The following PXT1 variants were observed in gnomAD, a reference collection of about 807,000 sequenced individuals.
The protein encoded by PXT1 is peroxisomal testis enriched protein 1.
Under a neutral mutation model 11.0 loss-of-function variants are expected in PXT1, and 11 were observed. The observed-to-expected ratio is 1.00, with a 90% CI of 0.63 to 1.66. The LOEUF (loss-of-function observed/expected upper bound fraction) is 1.66. Among genes scored for constraint, PXT1 ranks in the 40% most tolerant of loss-of-function variants. PXT1 has a pLI of 0.00. For synonymous variants in PXT1, 43 were observed against 51.4 expected, an observed-to-expected ratio of 0.84 and a Z score of 0.70; for missense variants, 141 against 155.5, an observed-to-expected ratio of 0.91 and a Z score of 0.49.
At chr6:36,410,249 G>A (rs1174704096) in intron 3 of PXT1, among the ~76,000 whole-genome samples, 3 of 152,090 alleles carry the variant, frequency 2.0e-5, no homozygotes, top group Admixed American at 6.6e-5. Context: ...TTGGGAGTTC[G>A]AGACCAGCCT....
chr6:36,425,171 T>C (rs1774584855), intron 3 of PXT1, among the ~76,000 whole-genome samples: 1 of 152,206 alleles, frequency 6.6e-6, no homozygotes, highest in Non-Finnish European at 1.5e-5. Context: ...AATCACACAT[T>C]TTTGCAAAGC....
At chr6:36,416,085 A>G (rs62405061) in intron 3 of PXT1, among the ~76,000 whole-genome samples, 3,660 of 152,232 alleles carry the variant, frequency 0.024, 49 homozygotes, top group Non-Finnish European at 0.027. Context: ...CTGCAATCCC[A>G]GCACTTTGGG....
At chr6:36,397,118 C>T (rs1197211019) in intron 4 of PXT1, among the ~76,000 whole-genome samples, 2 of 152,188 alleles carry the variant, frequency 1.3e-5, no homozygotes, top group Non-Finnish European at 2.9e-5. Flanking sequence ...CTTGTTTACC[C>T]TTCACTTGTC....
At chr6:36,421,975 T>C (rs557105464) in intron 3 of PXT1, among the ~76,000 whole-genome samples, 193 of 152,350 alleles carry the variant, frequency 1.3e-3, no homozygotes, top group African/African-American at 3.9e-3. Flanking sequence ...GATCTCTCAC[T>C]ACTTTGTCTA....
intron 2 of PXT1, among the ~76,000 whole-genome samples, chr6:36,431,959 TACTC>T (rs1271450929): frequency 6.6e-6 from 1 of 151,950 alleles, no homozygotes; most frequent in African/African-American, 2.4e-5. Flanking sequence ...TAATCCCAGA[TACTC>T]AGGAAGCTGA....
chr6:36,435,146 A>G (rs1294542640), intron 2 of PXT1, among the ~76,000 whole-genome samples: 2 of 152,236 alleles, frequency 1.3e-5, no homozygotes, highest in African/African-American at 2.4e-5. Flanking sequence ...AAATTATCAA[A>G]GAAACAAATG....
chr6:36,434,498 TA>T (rs1156628639), intron 2 of PXT1, among the ~76,000 whole-genome samples: 2 of 152,188 alleles, frequency 1.3e-5, no homozygotes, highest in East Asian at 3.8e-4. Flanking sequence ...AAGCAATAAA[TA>T]AATTAGTTGA....
intron 3 of PXT1, among the ~76,000 whole-genome samples, chr6:36,418,684 A>G (rs376776404): frequency 1.3e-5 from 2 of 152,364 alleles, no homozygotes; most frequent in African/African-American, 2.4e-5. Context: ...AGAGATTGAA[A>G]AAAAATCACC....
At position 36,415,426 on chromosome 6, in the gene PXT1, GTAGT is replaced by G; in HGVS notation, c.169+10484_169+10487del. Among the ~76,000 whole-genome samples, 3 of 152,154 alleles carry G rather than the reference GTAGT, an allele frequency of 2.0e-5. No individual in the cohort carries two copies. The Middle Eastern group carries it at 0.01, about 518-fold the overall frequency. On this transcript the variant is annotated intron_variant, in intron 3 of 4. Coordinates refer to ENST00000454782, the MANE Select transcript of PXT1 (RefSeq NM_152990.4). ...ACCACTGCACTCCAGCCTAGGCGAT[GTAGT>G]TAGACTCTGTCTCAAAAAATTAATT... is the stretch of plus-strand genomic sequence containing the variant.
Position 36,399,113 on chromosome 6 carries a change from CTTTAT to C in PXT1, c.300+1336_300+1340del, listed in dbSNP as rs141107551. On this transcript the variant is annotated intron_variant, in intron 4 of 4. Coordinates refer to ENST00000454782, the MANE Select transcript of PXT1 (RefSeq NM_152990.4). ...TTATTTTCTCTTTATTTCTCTCTTG[CTTTAT>C]TTTATTTTATTTTATTTCATTTCAT... Among the ~76,000 whole-genome samples the C allele has an allele frequency of 4.5e-3, 658 of 147,390 alleles. 4 individuals carry two copies. The highest frequency in any genetic ancestry group is 0.017 in the Middle Eastern group (5 of 288).
At chr6:36,430,354 T>G (rs1446119565) in intron 2 of PXT1, among the ~76,000 whole-genome samples, 3 of 152,198 alleles carry the variant, frequency 2.0e-5, no homozygotes, top group African/African-American at 7.2e-5. Flanking sequence ...CCTGTGAATA[T>G]GTTACCCTAC....
chr6:36,423,292 C>T (rs2127415851), intron 3 of PXT1, among the ~76,000 whole-genome samples: 1 of 152,372 alleles, frequency 6.6e-6, no homozygotes, highest in East Asian at 1.9e-4. Flanking sequence ...TCTCAGGCTC[C>T]CCGCCAGAGA....
chr6:36,412,796 T>C (rs969477854), intron 3 of PXT1, among the ~76,000 whole-genome samples: 15 of 150,140 alleles, frequency 1.0e-4, no homozygotes, highest in African/African-American at 3.7e-4. Context: ...ATTACATTCA[T>C]AAAACAAAAG....
rs1447000315 is a variant in PXT1 at position 36,427,001 on chromosome 6, A to G, written c.-9-910T>C. On this transcript the variant is annotated intron_variant, in intron 2 of 4. Transcript: ENST00000454782. ...TCCAAATGAGATGAAGAATTGCATT[A>G]GGACTTTTTTTTTCTTTTTTTTTTT... is the stretch of plus-strand genomic sequence containing the variant. Among the ~76,000 whole-genome samples, 8 of 150,600 alleles carry G rather than the reference A, an allele frequency of 5.3e-5. No homozygotes were observed. The Admixed American group carries it at 5.4e-4, about 10-fold the overall frequency.
intron 3 of PXT1, among the ~76,000 whole-genome samples, chr6:36,409,653 G>T (rs1023985019): frequency 6.6e-6 from 1 of 151,462 alleles, no homozygotes; most frequent in East Asian, 1.9e-4. Flanking sequence ...TGACGAAACC[G>T]CGTCTCTAGA....
In PXT1 at chr6:36,430,001, GCT is replaced by G. The variant is rs536252171; in HGVS notation, c.-9-3912_-9-3911del. ...ATAGGTGGATCACTTGAGATCAGGAGCTCGAGAGTAGCCTGGCCAACATGGCA... is the reference window on the plus strand; with the variant it reads ...ATAGGTGGATCACTTGAGATCAGGAGCGAGAGTAGCCTGGCCAACATGGCA... On this transcript the variant is annotated intron_variant, in intron 2 of 4. Transcript: ENST00000454782. Among the ~76,000 whole-genome samples, 567 of 151,856 alleles carry G rather than the reference GCT, an allele frequency of 3.7e-3. 4 individuals are homozygous for G. Among genetic ancestry groups the G allele is most frequent in the African/African-American group, 0.013 (540 of 41,424 alleles).
intron 4 of PXT1, among the ~76,000 whole-genome samples, chr6:36,395,836 C>T (rs2127409490): frequency 6.6e-6 from 1 of 151,770 alleles, no homozygotes; most frequent in East Asian, 1.9e-4. Context: ...CCTGTCTCTA[C>T]AAAAAAATAC....
intron 3 of PXT1, among the ~76,000 whole-genome samples, chr6:36,424,583 G>C (rs1239753896): frequency 6.6e-6 from 1 of 152,220 alleles, no homozygotes; most frequent in Non-Finnish European, 1.5e-5. Context: ...GAGCTACAGT[G>C]AGCCGAGATC....
At chr6:36,436,112 C>CCAAAAAAAAAAAAAAAAAAAAAAAAAT (rs1774759403) in intron 2 of PXT1, among the ~76,000 whole-genome samples, 1 of 25,794 alleles carries the variant, frequency 3.9e-5, no homozygotes, top group Non-Finnish European at 9.7e-5. Context: ...AAAAAGTAAG[C>CCAAAAAAAAAAAAAAAAAAAAAAAAAT]CAAAAAAAAA....
Sources: allele counts gnomAD v4.1 joint callset (sites outside exome capture counted in the v4.1 genomes callset), GRCh38; gene constraint gnomAD v4.1.1; transcripts MANE v1.5; gene names NCBI Gene and HGNC (gene_info 2026-07-23, HGNC 2026-07-21).